CASK: variants seen among roughly 807,000 people sequenced by gnomAD.
The protein encoded by CASK is calcium/calmodulin dependent serine protein kinase.
CASK carries 4 observed loss-of-function variants against 82.9 expected under a neutral mutation model. The ratio of observed to expected loss-of-function variants is 0.05; its 90% CI spans 0.02 to 0.11. CASK has a LOEUF of 0.11. Among genes scored for constraint, CASK ranks in the 10% least tolerant of loss-of-function variants. CASK has a pLI of 1.00. For synonymous variants in CASK, 259 were observed against 253.5 expected (o/e 1.02, Z -0.20); for missense variants, 358 against 720.9 (o/e 0.50, Z 5.76).
chrX:41,707,772 T>C (rs1158269885), intron 5 of CASK, among the ~76,000 whole-genome samples: 1 of 111,147 alleles, frequency 9.0e-6, no homozygotes, highest in Non-Finnish European at 1.9e-5. Context: ...GCTGAAGATT[T>C]AGTAACAAAC....
intron 11 of CASK, among the ~76,000 whole-genome samples, chrX:41,622,285 T>C (rs1476456278): frequency 3.6e-5 from 4 of 112,453 alleles, no homozygotes; most frequent in African/African-American, 1.3e-4. Context: ...AAAGTTTTCT[T>C]GAAAGCAAAC....
intron 16 of CASK, among the ~76,000 whole-genome samples, chrX:41,563,890 T>C (rs1292289299): frequency 1.8e-5 from 2 of 111,818 alleles, no homozygotes; most frequent in Non-Finnish European, 3.8e-5. Flanking sequence ...TCCAATATTA[T>C]ATAAAATCTC....
intron 2 of CASK, among the ~76,000 whole-genome samples, chrX:41,818,886 A>C (rs765885669): frequency 9.0e-6 from 1 of 111,108 alleles, no homozygotes; most frequent in Non-Finnish European, 1.9e-5. Context: ...CTAAAAATTA[A>C]CTCAAAATGG....
intron 10 of CASK, among the ~76,000 whole-genome samples, chrX:41,625,527 G>A (rs1319868106): frequency 9.1e-6 from 1 of 110,218 alleles, no homozygotes; most frequent in African/African-American, 3.3e-5. Context: ...TCATTTTGTT[G>A]TCCAGGTTGG....
rs1450704712 is a variant in CASK, at chrX:41,727,844, A to T, written c.429+11540T>A. On this transcript the variant is annotated intron_variant, in intron 5 of 26. Coordinates refer to ENST00000378163, the MANE Select transcript of CASK (RefSeq NM_001367721.1). Reference sequence around the variant, plus strand: ...TATAGTATTTTTAAACCCATTTTTTATGTTCTACACCAAAGAGATAACTGT... The same window carrying T: ...TATAGTATTTTTAAACCCATTTTTTTTGTTCTACACCAAAGAGATAACTGT... 4 of 1,187,347 alleles carry T rather than the reference A, an allele frequency of 3.4e-6. No homozygotes were observed. In the South Asian group the frequency reaches 5.4e-5, roughly 16 times the overall value.
intron 2 of CASK, among the ~76,000 whole-genome samples, chrX:41,796,111 C>A (rs1398837759): frequency 2.7e-5 from 3 of 111,765 alleles, no homozygotes; most frequent in Non-Finnish European, 1.9e-5. Flanking sequence ...GGCATCTATC[C>A]TTTTAAGCAC....
intron 1 of CASK, among the ~76,000 whole-genome samples, chrX:41,890,217 CGT>C (rs750705275): frequency 3.6e-3 from 226 of 62,773 alleles, no homozygotes; most frequent in East Asian, 0.014. Flanking sequence ...AATGTGCATG[CGT>C]GTGTGTGTGT....
chrX:41,889,887 A>G (rs1329550888), intron 1 of CASK, among the ~76,000 whole-genome samples: 2 of 111,773 alleles, frequency 1.8e-5, no homozygotes, highest in African/African-American at 6.5e-5. Flanking sequence ...GATCATAAAT[A>G]ATTTCCCAGT....
intron 22 of CASK, among the ~76,000 whole-genome samples, chrX:41,540,555 G>T (rs1433397432): frequency 1.8e-5 from 2 of 112,280 alleles, no homozygotes; most frequent in Admixed American, 1.9e-4. Context: ...TCATTTCAAG[G>T]CCCGTAGGAG....
intron 1 of CASK, among the ~76,000 whole-genome samples, chrX:41,865,077 G>T (rs759661673): frequency 1.8e-5 from 2 of 111,826 alleles, no homozygotes; most frequent in Non-Finnish European, 3.8e-5. Flanking sequence ...AAACACTTGG[G>T]GAATTTTTCA....
At chrX:41,642,184 T>C (rs1054750694) in intron 8 of CASK, among the ~76,000 whole-genome samples, 2 of 111,431 alleles carry the variant, frequency 1.8e-5, no homozygotes, top group African/African-American at 6.5e-5. Flanking sequence ...TTTGCTATTG[T>C]GAATAGTGCT....
rs376869146 is a variant in CASK, at chrX:41,786,699, C to T, written c.278+479G>A. On this transcript the variant is annotated intron_variant, in intron 3 of 26. Coordinates refer to ENST00000378163, the MANE Select transcript of CASK (RefSeq NM_001367721.1). ...CTCCATCTTACCAACAAAAAGTCTG[C>T]GACAGACATATCAAGTGACTTATTG... The T allele has an allele frequency of 1.1e-4, 16 of 141,968 alleles. No individual in the cohort carries two copies. The East Asian group carries it at 2.3e-3, about 20-fold the overall frequency. 11.7% of individuals were successfully genotyped at this position (141,968 alleles called of 1,213,427 possible).
At chrX:41,848,864 C>T (rs967108685) in intron 2 of CASK, among the ~76,000 whole-genome samples, 3 of 111,820 alleles carry the variant, frequency 2.7e-5, no homozygotes, top group Non-Finnish European at 5.6e-5. Context: ...AATTATTATA[C>T]AATGCTATGA....
intron 1 of CASK, among the ~76,000 whole-genome samples, chrX:41,880,300 T>C (rs2071924167): frequency 8.9e-6 from 1 of 111,903 alleles, no homozygotes. Flanking sequence ...GTGTTCAGTT[T>C]GTAAAAGCTC....
intron 5 of CASK, among the ~76,000 whole-genome samples, chrX:41,687,627 T>C (rs1344437656): frequency 9.0e-6 from 1 of 111,017 alleles, no homozygotes; most frequent in African/African-American, 3.3e-5. Flanking sequence ...CACAACAATG[T>C]GAATATACTT....
At chrX:41,856,795 C>CAAAAAA (rs575324555) in intron 1 of CASK, among the ~76,000 whole-genome samples, 1 of 42,130 alleles carries the variant, frequency 2.4e-5, no homozygotes. Flanking sequence ...GACTCCGTCT[C>CAAAAAA]AAAAAAAAAA....
intron 12 of CASK, among the ~76,000 whole-genome samples, chrX:41,607,101 T>C (rs2065974767): frequency 8.8e-6 from 1 of 113,037 alleles, no homozygotes; most frequent in African/African-American, 3.2e-5. Context: ...TACTTCTTTA[T>C]AATGTAAACA....
At chrX:41,816,546 G>A (rs778209120) in intron 2 of CASK, among the ~76,000 whole-genome samples, 1 of 107,924 alleles carries the variant, frequency 9.3e-6, no homozygotes, top group South Asian at 3.9e-4. Context: ...TAAATCAACA[G>A]AAAACATAAA....
At chrX:41,910,145 C>A (rs2072537997) in intron 1 of CASK, among the ~76,000 whole-genome samples, 1 of 110,328 alleles carries the variant, frequency 9.1e-6, no homozygotes, top group South Asian at 3.9e-4. Context: ...TTGCTTGAAC[C>A]CAGGAGGCGG....
Sources: gnomAD v4.1 joint callset for allele counts (sites outside exome capture counted in the v4.1 genomes callset) on GRCh38, gnomAD v4.1.1 for gene constraint, MANE v1.5 for transcripts, NCBI Gene and HGNC (gene_info 2026-07-23, HGNC 2026-07-21) for gene names.